Variants in PMPCB observed in about 807,000 individuals in gnomAD.
The protein encoded by PMPCB is mitochondrial-processing peptidase subunit beta.
Under a neutral mutation model 61.5 loss-of-function variants are expected in PMPCB, and 46 were observed. The ratio of observed to expected loss-of-function variants is 0.75; its 90% CI spans 0.59 to 0.96. The LOEUF (loss-of-function observed/expected upper bound fraction) is 0.96. Among genes scored for constraint, PMPCB ranks in the 40% least tolerant of loss-of-function variants. The pLI is 0.00. For missense variants in PMPCB, 590 were observed against 602.4 expected (o/e 0.98, Z 0.22); for synonymous variants, 191 against 201.6 (o/e 0.95, Z 0.44).
At chr7:103,343,405 G>A in the PMPCB span, among the ~76,000 whole-genome samples, 2 of 152,220 alleles carry the variant, frequency 1.3e-5, no homozygotes, top group African/African-American at 4.8e-5. Flanking sequence ...AGCAGCAAAT[G>A]GGAATTTACT....
chr7:103,344,637 T>G, the PMPCB span: 9 of 1,606,942 alleles, frequency 5.6e-6, no homozygotes, highest in South Asian at 9.9e-5. Flanking sequence ...GCGCCGGGTC[T>G]AGCCCGGTGG....
In PMPCB at chr7:103,299,474, A is replaced by G. The variant is rs749195582; in HGVS notation, c.272A>G (p.Tyr91Cys). 1.2e-5 allele frequency: 20 copies of G among 1,612,158 alleles called. No homozygotes were observed. Among genetic ancestry groups the G allele is most frequent in the Non-Finnish European group, 1.7e-5 (20 of 1,178,410 alleles). The change falls in exon 3 of 13, where the codon TAC becomes TGC. Residue 91 changes from tyrosine (Y) to cysteine (C), a missense_variant. Transcript: ENST00000249269. ...VGLWIDAGSR[Y>C]ENEKNNGTAH... ...CTCTGGATTGATGCTGGAAGTAGAT[A>G]CGAAAATGAGAAGAACAATGGAACA...
chr7:103,333,634 A>C (rs1246157652), downstream of PMPCB, among the ~76,000 whole-genome samples: 1 of 152,212 alleles, frequency 6.6e-6, no homozygotes, highest in Non-Finnish European at 1.5e-5. Context: ...TCATCCAAAA[A>C]GTTCCCTTGT....
At chr7:103,310,565 A>G in intron 9 of PMPCB, 90 bp downstream of exon 9, 1 of 1,025,990 alleles carries the variant, frequency 9.7e-7, no homozygotes, top group Non-Finnish European at 1.4e-6. Context: ...ATTTATGGTA[A>G]TTTTACCTTT....
downstream of PMPCB, chr7:103,316,726 A>C: frequency 2.0e-6 from 2 of 979,108 alleles, no homozygotes; most frequent in Non-Finnish European, 3.0e-6. Context: ...CACAGAATTT[A>C]TCTCTGCAAG....
chr7:103,344,999 T>C, the PMPCB span: 1 of 410,120 alleles, frequency 2.4e-6, no homozygotes, highest in South Asian at 8.5e-5. Flanking sequence ...TTATATTATC[T>C]TTAAGTTCTT....
chr7:103,311,141 A>C lies in PMPCB; in HGVS notation c.1155-502A>C, dbSNP rs75646912. Reference sequence around the variant, plus strand: ...CCACTGCTAAAAGAAAACAAAGTATATTGAGTCGATAGATGGGCAGAAAGG... The same window carrying C: ...CCACTGCTAAAAGAAAACAAAGTATCTTGAGTCGATAGATGGGCAGAAAGG... On this transcript the variant is annotated intron_variant, in intron 9 of 12. Coordinates refer to ENST00000249269, the MANE Select transcript of PMPCB (RefSeq NM_004279.3). 3.7e-3 allele frequency: 574 copies of C among 153,500 alleles called. 4 individuals are homozygous for C. The highest frequency in any genetic ancestry group is 0.014 in the African/African-American group (565 of 41,622). The allele number at this position is 153,500 out of a possible 1,614,324, so 9.5% of individuals were successfully genotyped here. A position where few individuals can be genotyped will look rare whatever the true frequency, so the allele number is the denominator to read the frequency against.
Position 103,310,444 on chromosome 7 carries a change from G to A in PMPCB, c.1123G>A (p.Ala375Thr), listed in dbSNP as rs117074402. 1,701 of 1,612,320 alleles carry A rather than the reference G, an allele frequency of 1.1e-3. 27 individuals are homozygous for A. The East Asian group carries it at 0.029, about 27-fold the overall frequency. The change falls in exon 9 of 13, where the codon GCA (alanine) becomes ACA (threonine). Residue 375 changes from alanine (A) to threonine (T), a missense_variant. Physicochemically the swap from Ala to Thr is moderately conservative, Grantham distance 58 (BLOSUM62 0). Coordinates refer to ENST00000249269, the MANE Select transcript of PMPCB (RefSeq NM_004279.3). Reference sequence around the variant, plus strand: ...TATGGTTTGTGAATCATCCACTGTTGCAGACATGCTACATGTTGTTCAAAA... The same window carrying A: ...TATGGTTTGTGAATCATCCACTGTTACAGACATGCTACATGTTGTTCAAAA... ...LYMVCESSTV[A>T]DMLHVVQKEW...
chr7:103,298,963 TAATG>T (rs1817371928), intron 2 of PMPCB, among the ~76,000 whole-genome samples: 1 of 152,222 alleles, frequency 6.6e-6, no homozygotes, highest in Non-Finnish European at 1.5e-5. Flanking sequence ...GTATTGATAA[TAATG>T]AAAGAAATAT....
Position 103,314,122 on chromosome 7 carries a change from T to C in PMPCB, c.*1851T>C. On this transcript the variant is annotated 3_prime_UTR_variant, in exon 13 of 13. Coordinates refer to ENST00000249269, the MANE Select transcript of PMPCB (RefSeq NM_004279.3). ...TACCTAAGGTGCCTAAGAAGCTTTT[T>C]TGAAGGTAGCTTTTAAGTTCTAGGA... 1.0e-6 allele frequency: 1 copy of C among 985,444 alleles called. No individual in the cohort carries two copies. The highest frequency in any genetic ancestry group is 1.2e-6 in the Non-Finnish European group (1 of 829,926). 61.0% of individuals were successfully genotyped at this position (985,444 alleles called of 1,614,324 possible).
Position 103,312,459 on chromosome 7 carries a change from A to T in PMPCB, c.*188A>T. On this transcript the variant is annotated 3_prime_UTR_variant, in exon 13 of 13. Transcript: ENST00000249269. ...GTCAGTCTTTGTTCTCTGAGAAATT[A>T]TGTTGGAAGCAGCATACTTTCAAAT... 6.5e-7 allele frequency: 1 copy of T among 1,533,306 alleles called. No individual in the cohort carries two copies. The highest frequency in any genetic ancestry group is 8.7e-7 in the Non-Finnish European group (1 of 1,148,528). The allele number at this position is 1,533,306 out of a possible 1,614,324, so 95.0% of individuals were successfully genotyped here.
intron 12 of PMPCB, among the ~76,000 whole-genome samples, chr7:103,321,712 G>A (rs1342658049): frequency 6.6e-6 from 1 of 152,044 alleles, no homozygotes; most frequent in Non-Finnish European, 1.5e-5. Context: ...AGCCAGGCGT[G>A]GTGGCACACG....
At chr7:103,330,265 G>A (rs1360776257), downstream of PMPCB, among the ~76,000 whole-genome samples, 1 of 151,998 alleles carries the variant, frequency 6.6e-6, no homozygotes, top group Non-Finnish European at 1.5e-5. Flanking sequence ...TTCTTTTAGT[G>A]TACTATTAAA....
chr7:103,344,687 C>T, the PMPCB span: 18 of 1,542,300 alleles, frequency 1.2e-5, no homozygotes, highest in Non-Finnish European at 1.5e-5. Context: ...CGCTTAGGGT[C>T]CCCTCCAGCT....
chr7:103,338,909 C>G, the PMPCB span, among the ~76,000 whole-genome samples: 2 of 151,178 alleles, frequency 1.3e-5, no homozygotes, highest in East Asian at 3.9e-4. Flanking sequence ...GACTCCGTCT[C>G]AAAATAAAAT....
chr7:103,328,538 T>G (rs1818828099), intron 12 of PMPCB, among the ~76,000 whole-genome samples: 1 of 151,934 alleles, frequency 6.6e-6, no homozygotes, highest in African/African-American at 2.4e-5. Flanking sequence ...GGCTCAGACA[T>G]AAGAATCGCT....
At chr7:103,309,270 T>C (rs1817673880) in intron 8 of PMPCB, 175 bp downstream of exon 8, 2 of 494,034 alleles carry the variant, frequency 4.0e-6, no homozygotes, top group Non-Finnish European at 3.3e-6. Flanking sequence ...AAAAAGTTTC[T>C]TTTTTTCTTT....
In PMPCB at chr7:103,310,306, T is replaced by TC; in HGVS notation, c.994-7dup. The TC allele has an allele frequency of 6.2e-7, 1 of 1,607,478 alleles. No individual in the cohort carries two copies. Among genetic ancestry groups the TC allele is most frequent in the East Asian group, 2.2e-5 (1 of 44,832 alleles). On this transcript the variant is annotated splice_polypyrimidine_tract_variant and intron_variant, in intron 8 of 12. Transcript: ENST00000249269. ...TTAAAATTCTCTTGGAATTTTTTTT[T>TC]CCTTGCAGAATTTATCTAGCAAGCT...
chr7:103,316,809 A>G, downstream of PMPCB: 1 of 1,604,354 alleles, frequency 6.2e-7, no homozygotes. Context: ...AGTTGAAGAA[A>G]AGTTTCATTA....
Sources: allele counts gnomAD v4.1 joint callset (sites outside exome capture counted in the v4.1 genomes callset), GRCh38; gene constraint gnomAD v4.1.1; transcripts MANE v1.5; gene names NCBI Gene and HGNC (gene_info 2026-07-23, HGNC 2026-07-21).